Variants in SCN11A observed in about 807,000 individuals in gnomAD.
The protein encoded by SCN11A is sodium voltage-gated channel alpha subunit 11.
SCN11A carries 122 observed loss-of-function variants against 162.2 expected under a neutral mutation model. The observed-to-expected ratio is 0.75, with a 90% CI of 0.65 to 0.87. The LOEUF (loss-of-function observed/expected upper bound fraction) is 0.87. Ranked by LOEUF, SCN11A falls within the 40% of genes least tolerant of loss-of-function variation. SCN11A has a pLI of 0.00. For synonymous variants in SCN11A, 758 were observed against 751.5 expected (o/e 1.01, Z -0.14); for missense variants, 2,015 against 2,181.6 (o/e 0.92, Z 1.52).
At chr3:38,997,236 G>A (rs1425009950) in intron 2 of SCN11A, among the ~76,000 whole-genome samples, 1 of 152,088 alleles carries the variant, frequency 6.6e-6, no homozygotes, top group Non-Finnish European at 1.5e-5. Context: ...CTTGCTTTTG[G>A]TCTCTCTTAC....
At position 38,919,084 on chromosome 3, in the gene SCN11A, C is replaced by T. The variant is rs78067340; in HGVS notation, c.959+851G>A. Among the ~76,000 whole-genome samples the T allele has an allele frequency of 3.9e-5, 6 of 152,252 alleles. No individual in the cohort carries two copies. The East Asian group carries it at 1.2e-3, about 29-fold the overall frequency. ...GCACAATGGTAATAATTTGTGTATA[C>T]ACAGAAAAGGCACTGTAAAAATATA... is the stretch of plus-strand genomic sequence containing the variant. On this transcript the variant is annotated intron_variant, in intron 11 of 29. Coordinates refer to ENST00000302328, the MANE Select transcript of SCN11A (RefSeq NM_001349253.2).
At chr3:39,050,301 C>T (rs565714200) in intron 1 of SCN11A, among the ~76,000 whole-genome samples, 138 of 152,294 alleles carry the variant, frequency 9.1e-4, no homozygotes, top group South Asian at 6.8e-3. Context: ...TACTTCCTGT[C>T]TTACAATCAT....
intron 2 of SCN11A, among the ~76,000 whole-genome samples, chr3:39,025,044 C>T (rs2031552894): frequency 6.6e-6 from 1 of 152,200 alleles, no homozygotes. Flanking sequence ...CTGGCCTCTG[C>T]ACGAGCTCTT....
chr3:38,908,097 C>T lies in SCN11A; in HGVS notation c.1325G>A (p.Arg442Lys). ...TGTTTCAAGGGAAGTAAGTGAACTT[C>T]TGTCAATTCCCATGGCAACCAGAGC... ...KEALVAMGID[R>K]SSLTSLETSY... Residue 442 changes from arginine to lysine, a missense_variant, in exon 14 of 30, where the codon AGA becomes AAA. Physicochemically the swap from Arg to Lys is conservative, Grantham distance 26. Transcript: ENST00000302328. The T allele has an allele frequency of 2.5e-6, 4 of 1,612,464 alleles. No homozygotes were observed. Among genetic ancestry groups the T allele is most frequent in the Non-Finnish European group, 3.4e-6 (4 of 1,179,654 alleles).
At chr3:38,871,858 G>T in intron 24 of SCN11A, 150 bp from the exon 25 acceptor site, 1 of 685,870 alleles carries the variant, frequency 1.5e-6, no homozygotes, top group Non-Finnish European at 2.4e-6. Context: ...CCCATGACAA[G>T]CCCTGCTCTC....
At chr3:39,005,304 T>C (rs747007989) in intron 2 of SCN11A, among the ~76,000 whole-genome samples, 1 of 152,150 alleles carries the variant, frequency 6.6e-6, no homozygotes, top group Non-Finnish European at 1.5e-5. Flanking sequence ...TATAAAACAG[T>C]ATAAAACAAT....
chr3:38,950,432 T>C (rs939650085), intron 4 of SCN11A, 63 bp from the exon 5 acceptor site: 1 of 1,520,402 alleles, frequency 6.6e-7, no homozygotes, highest in Non-Finnish European at 9.1e-7. Flanking sequence ...TAAAACAGCC[T>C]GCCCTAGGAT....
At chr3:39,042,974 A>AAAAAAAG (rs56332636) in intron 1 of SCN11A, among the ~76,000 whole-genome samples, 5,115 of 102,568 alleles carry the variant, frequency 0.05, 300 homozygotes, top group African/African-American at 0.14. Flanking sequence ...AAAAAAAAAA[A>AAAAAAAG]AAAAAGAAAA....
chr3:39,011,901 T>A (rs1461255870), intron 2 of SCN11A, among the ~76,000 whole-genome samples: 7 of 152,178 alleles, frequency 4.6e-5, no homozygotes, highest in Admixed American at 4.6e-4. Context: ...CCAATAATAT[T>A]CTGAATTACA....
chr3:39,024,842 C>G (rs1349347919), intron 2 of SCN11A, among the ~76,000 whole-genome samples: 1 of 152,204 alleles, frequency 6.6e-6, no homozygotes, highest in African/African-American at 2.4e-5. Flanking sequence ...TGTCCAATCA[C>G]ATTTCTACAG....
chr3:39,031,535 A>AAC (rs1174889310), intron 2 of SCN11A, among the ~76,000 whole-genome samples: 4 of 135,008 alleles, frequency 3.0e-5, no homozygotes, highest in African/African-American at 1.3e-4. Context: ...AACAAAAAAC[A>AAC]AACAAACAAA....
rs191171070 is a variant in SCN11A at position 38,865,612 on chromosome 3, A to T, written c.3951+1709T>A. On this transcript the variant is annotated intron_variant, in intron 27 of 29. Coordinates refer to ENST00000302328, the MANE Select transcript of SCN11A (RefSeq NM_001349253.2). ...ATGCCTTTAGTTCATAAGTACAATTAAAAAAAAGCCAAAAATAACAAGATT... is the reference window on the plus strand; with the variant it reads ...ATGCCTTTAGTTCATAAGTACAATTTAAAAAAAGCCAAAAATAACAAGATT... Among the ~76,000 whole-genome samples the T allele has an allele frequency of 9.5e-3, 809 of 84,828 alleles. 5 individuals carry two copies. Among genetic ancestry groups the T allele is most frequent in the African/African-American group, 0.038 (766 of 20,386 alleles). The allele number at this position is 84,828 out of a possible 152,430, so 55.7% of individuals were successfully genotyped here.
At chr3:39,029,905 G>A (rs1057432336) in intron 2 of SCN11A, among the ~76,000 whole-genome samples, 1 of 152,176 alleles carries the variant, frequency 6.6e-6, no homozygotes, top group Non-Finnish European at 1.5e-5. Flanking sequence ...GAGATTACTA[G>A]GAAAAGAATT....
intron 9 of SCN11A, 21 bp from the exon 10 acceptor site, chr3:38,921,276 G>A (rs759844724): frequency 5.0e-5 from 81 of 1,609,574 alleles, no homozygotes; most frequent in Non-Finnish European, 6.9e-5. Context: ...GGACAGGCTT[G>A]GGGAGAAGCC....
At chr3:38,963,643 T>G (rs72855770) in intron 2 of SCN11A, among the ~76,000 whole-genome samples, 11,021 of 151,734 alleles carry the variant, frequency 0.073, 1,301 homozygotes, top group African/African-American at 0.25. Context: ...CTGAACATCG[T>G]ATGTTCTCAC....
chr3:38,872,998 C>T (rs984679968), intron 23 of SCN11A, among the ~76,000 whole-genome samples: 22 of 152,238 alleles, frequency 1.4e-4, no homozygotes, highest in South Asian at 2.1e-4. Flanking sequence ...CAAATAGCTC[C>T]TTATTGGGGA....
rs1559551957 is a variant in SCN11A, at chr3:38,950,080, C to CCCCCCCCCG, written c.267+15_267+16insCGGGGGGGG. 5.0e-6 allele frequency: 1 copy of CCCCCCCCCG among 199,728 alleles called. No homozygotes were observed. Among genetic ancestry groups the CCCCCCCCCG allele is most frequent in the African/African-American group, 2.7e-5 (1 of 37,298 alleles). The allele number at this position is 199,728 out of a possible 1,614,324, so 12.4% of individuals were successfully genotyped here. ...ACACCCCCACCCCCACCCCCCCCCC[C>CCCCCCCCCG]CGCCCAATGAAGTACCTTATGATTT... On this transcript the variant is annotated intron_variant, in intron 5 of 29. Transcript: ENST00000302328.
At chr3:38,938,525 T>C (rs1559544905) in intron 7 of SCN11A, among the ~76,000 whole-genome samples, 4 of 16,118 alleles carry the variant, frequency 2.5e-4, no homozygotes, top group African/African-American at 1.0e-3. Context: ...TATATATATA[T>C]ATATATATAT....
intron 14 of SCN11A, among the ~76,000 whole-genome samples, chr3:38,907,007 C>T (rs1345349214): frequency 6.6e-6 from 1 of 151,922 alleles, no homozygotes; most frequent in Non-Finnish European, 1.5e-5. Flanking sequence ...TAGGCTTTTG[C>T]ACATTCTATT....
Sources: allele counts gnomAD v4.1 joint callset (sites outside exome capture counted in the v4.1 genomes callset), GRCh38; gene constraint gnomAD v4.1.1; transcripts MANE v1.5; gene names NCBI Gene and HGNC (gene_info 2026-07-23, HGNC 2026-07-21).